Variants in ARHGAP10 observed in about 807,000 individuals in gnomAD.
The protein encoded by ARHGAP10 is rho GTPase-activating protein 10.
A neutral mutation model predicts 108.6 loss-of-function variants in ARHGAP10; 87 were observed. The ratio of observed to expected loss-of-function variants is 0.80; its 90% confidence interval spans 0.67 to 0.96. ARHGAP10 has a LOEUF of 0.96. Ranked by LOEUF, ARHGAP10 falls within the 40% of genes least tolerant of loss-of-function variation. The pLI, the probability that ARHGAP10 is intolerant of heterozygous loss-of-function variation, is 0.00. For synonymous variants in ARHGAP10, 347 were observed against 341.1 expected, an observed-to-expected ratio of 1.02 and a Z score of -0.19; for missense variants, 939 against 954.5, an observed-to-expected ratio of 0.98 and a Z score of 0.21.
intron 16 of ARHGAP10, among the ~76,000 whole-genome samples, chr4:147,961,553 C>G (rs556289631): frequency 2.4e-4 from 36 of 152,194 alleles, no homozygotes; most frequent in African/African-American, 8.4e-4. Flanking sequence ...ATAAGGAAAA[C>G]TATTATCCTT....
At chr4:147,754,169 G>A (rs1007275643) in intron 1 of ARHGAP10, among the ~76,000 whole-genome samples, 17 of 152,182 alleles carry the variant, frequency 1.1e-4, no homozygotes, top group African/African-American at 2.4e-5. Context: ...GGAAGTCCCA[G>A]AAGTCTAGAA....
intron 18 of ARHGAP10, among the ~76,000 whole-genome samples, chr4:148,021,356 C>T (rs2149662334): frequency 6.6e-6 from 1 of 152,286 alleles, no homozygotes; most frequent in African/African-American, 2.4e-5. Flanking sequence ...TCAGTATGAT[C>T]CTGTAAGAGG....
chr4:147,948,199 A>C (rs1438930461), intron 15 of ARHGAP10, among the ~76,000 whole-genome samples: 1 of 152,008 alleles, frequency 6.6e-6, no homozygotes, highest in Non-Finnish European at 1.5e-5. Flanking sequence ...TAGCCTCCCA[A>C]AGTGCTGGGA....
chr4:147,811,251 G>A (rs1368298818), intron 1 of ARHGAP10, among the ~76,000 whole-genome samples: 1 of 152,238 alleles, frequency 6.6e-6, no homozygotes, highest in Non-Finnish European at 1.5e-5. Flanking sequence ...CCTCTTGTGA[G>A]AATTCTCTTT....
intron 1 of ARHGAP10, among the ~76,000 whole-genome samples, chr4:147,767,065 G>A: frequency 6.6e-6 from 1 of 151,760 alleles, no homozygotes; most frequent in East Asian, 1.9e-4. Flanking sequence ...TGGCCAGGCT[G>A]ATCTCAAACT....
At chr4:147,803,954 G>T (rs1048435989) in intron 1 of ARHGAP10, among the ~76,000 whole-genome samples, 6 of 151,100 alleles carry the variant, frequency 4.0e-5, no homozygotes, top group African/African-American at 1.5e-4. Flanking sequence ...ATAAATATTC[G>T]ATAGTGGGAA....
At chr4:147,987,264 T>G (rs1048582231) in intron 18 of ARHGAP10, among the ~76,000 whole-genome samples, 2 of 152,234 alleles carry the variant, frequency 1.3e-5, no homozygotes, top group Non-Finnish European at 2.9e-5. Flanking sequence ...CATATACTGT[T>G]GAAGCTTCTA....
intron 18 of ARHGAP10, among the ~76,000 whole-genome samples, chr4:147,981,193 T>C (rs1398005875): frequency 1.3e-5 from 2 of 152,218 alleles, no homozygotes; most frequent in African/African-American, 4.8e-5. Context: ...TGTAGGTGTT[T>C]TGTGCAGTAA....
At chr4:147,990,472 C>T (rs963976422) in intron 18 of ARHGAP10, among the ~76,000 whole-genome samples, 38 of 152,118 alleles carry the variant, frequency 2.5e-4, no homozygotes, top group African/African-American at 8.9e-4. Flanking sequence ...GAGTGGGCAA[C>T]GTGGCCACTT....
intron 18 of ARHGAP10, among the ~76,000 whole-genome samples, chr4:148,006,235 C>T (rs532432211): frequency 1.2e-4 from 19 of 152,174 alleles, no homozygotes; most frequent in East Asian, 1.9e-4. Flanking sequence ...GCTACAGAGA[C>T]GGGGAGAGAT....
chr4:148,039,196 T>C (rs536499261), intron 19 of ARHGAP10, among the ~76,000 whole-genome samples: 1 of 152,226 alleles, frequency 6.6e-6, no homozygotes, highest in South Asian at 2.1e-4. Context: ...TTTATTTAAA[T>C]ACTTAAGGAA....
chr4:147,821,997 TTA>T (rs1489331698), intron 1 of ARHGAP10, among the ~76,000 whole-genome samples: 1 of 152,212 alleles, frequency 6.6e-6, no homozygotes, highest in Non-Finnish European at 1.5e-5. Flanking sequence ...ATAATAATCT[TTA>T]TATATCTCTT....
intron 20 of ARHGAP10, among the ~76,000 whole-genome samples, chr4:148,047,763 A>G (rs764267141): frequency 6.6e-6 from 1 of 152,236 alleles, no homozygotes; most frequent in Non-Finnish European, 1.5e-5. Flanking sequence ...ACAAGGCAAT[A>G]CTTGATTAGT....
chr4:147,981,188 G>A (rs771676908), intron 18 of ARHGAP10, among the ~76,000 whole-genome samples: 2 of 152,136 alleles, frequency 1.3e-5, no homozygotes, highest in African/African-American at 2.4e-5. Context: ...CTTGATGTAG[G>A]TGTTTTGTGC....
chr4:147,916,266 TTTTCA>T (rs1338742554), intron 13 of ARHGAP10, among the ~76,000 whole-genome samples: 4 of 152,210 alleles, frequency 2.6e-5, no homozygotes, highest in Non-Finnish European at 5.9e-5. Flanking sequence ...TTTTCTTACC[TTTTCA>T]TTTCATGTCT....
chr4:147,794,109 C>G (rs1560761897), intron 1 of ARHGAP10, among the ~76,000 whole-genome samples: 1 of 152,132 alleles, frequency 6.6e-6, no homozygotes, highest in Non-Finnish European at 1.5e-5. Context: ...AGGGGAGGGA[C>G]AGGCTCGAAC....
chr4:147,783,287 TATGTA>T (rs1730640284), intron 1 of ARHGAP10, among the ~76,000 whole-genome samples: 2 of 144,648 alleles, frequency 1.4e-5, no homozygotes, highest in African/African-American at 5.0e-5. Context: ...CACATTAAAT[TATGTA>T]TTGTATAATT....
In ARHGAP10 at chr4:147,736,396, T is replaced by G. The variant is rs536934517; in HGVS notation, c.154+3941T>G. Among the ~76,000 whole-genome samples, 20 of 152,328 alleles carry G rather than the reference T, an allele frequency of 1.3e-4. No homozygotes were observed. In the South Asian group the frequency reaches 3.9e-3, roughly 30 times the overall value. On this transcript the variant is annotated intron_variant, in intron 1 of 22. Transcript: ENST00000336498. ...GAAATATTCTTTTGGGGAAATTTCT[T>G]AAGTTGCCATTACATTAAACCCACT...
At chr4:148,036,412 A>G (rs1728381561) in intron 19 of ARHGAP10, among the ~76,000 whole-genome samples, 1 of 152,088 alleles carries the variant, frequency 6.6e-6, no homozygotes, top group East Asian at 1.9e-4. Context: ...GTGTCGTGGG[A>G]AGGACCCAGT....
Sources: allele counts gnomAD v4.1 joint callset (sites outside exome capture counted in the v4.1 genomes callset), GRCh38; gene constraint gnomAD v4.1.1; transcripts MANE v1.5; gene names NCBI Gene and HGNC (gene_info 2026-07-23, HGNC 2026-07-21).